Variants in SBF2 observed in about 807,000 individuals in gnomAD.
SBF2 encodes myotubularin-related protein 13.
In SBF2, 112 loss-of-function variants were observed where a neutral mutation model predicts 225.2. The ratio of observed to expected loss-of-function variants is 0.50; its 90% confidence interval spans 0.43 to 0.58. The LOEUF (loss-of-function observed/expected upper bound fraction) is 0.58, where lower values mean the gene tolerates loss of function less well. Among genes scored for constraint, SBF2 ranks in the 20% least tolerant of loss-of-function variants. The pLI, the probability that SBF2 is intolerant of heterozygous loss-of-function variation, is 0.00. For missense variants in SBF2, 1,996 were observed against 2,206.2 expected, an observed-to-expected ratio of 0.90 and a Z score of 1.91; for synonymous variants, 763 against 773.3, an observed-to-expected ratio of 0.99 and a Z score of 0.22.
At chr11:9,916,263 A>C (rs757272149) in intron 16 of SBF2, among the ~76,000 whole-genome samples, 2 of 152,198 alleles carry the variant, frequency 1.3e-5, no homozygotes, top group Admixed American at 6.5e-5. Flanking sequence ...AGAAAAGCTT[A>C]GCTAGCTCTC....
At chr11:10,144,692 C>A (rs769367928) in intron 2 of SBF2, among the ~76,000 whole-genome samples, 1 of 152,108 alleles carries the variant, frequency 6.6e-6, no homozygotes, top group Non-Finnish European at 1.5e-5. Context: ...TAAAAGAAAG[C>A]GAGAAAGTTC....
At position 10,193,351 on chromosome 11, in the gene SBF2, C is replaced by CTT. The variant is rs60903141; in HGVS notation, c.141+549_141+550dup. Among the ~76,000 whole-genome samples, 1,097 of 110,456 alleles carry CTT rather than the reference C, an allele frequency of 9.9e-3. 32 individuals are homozygous for CTT. Among genetic ancestry groups the CTT allele is most frequent in the Non-Finnish European group, 0.013 (716 of 55,678 alleles). The allele number at this position is 110,456 out of a possible 152,430, so 72.5% of individuals were successfully genotyped here. On this transcript the variant is annotated intron_variant, in intron 2 of 39. Coordinates refer to ENST00000256190, the MANE Select transcript of SBF2 (RefSeq NM_030962.4). ...AGTATATGAAAATCATCAATTTCAT[C>CTT]TTTTTTTTTTTTTTTTTTTTTGAGA...
chr11:9,792,921 T>TTGTG (rs767829391), intron 33 of SBF2, among the ~76,000 whole-genome samples: 11 of 140,192 alleles, frequency 7.8e-5, no homozygotes, highest in South Asian at 2.3e-4. Flanking sequence ...CCCAGCTAAT[T>TTGTG]TGTGTGTGTG....
chr11:10,173,379 T>G lies in SBF2; in HGVS notation c.141+20523A>C, dbSNP rs1591130108. ...CAAGGGGTCAGGGAGTTCCCTTTCC[T>G]AGTCAAAGAAAGGGGTGACAGATGG... On this transcript the variant is annotated intron_variant, in intron 2 of 39. Coordinates refer to ENST00000256190, the MANE Select transcript of SBF2 (RefSeq NM_030962.4). Among the ~76,000 whole-genome samples the G allele has an allele frequency of 2.0e-5, 3 of 152,304 alleles. No individual in the cohort carries two copies. The South Asian group carries it at 6.2e-4, about 32-fold the overall frequency.
At chr11:10,256,149 C>A (rs1284778186) in intron 1 of SBF2, among the ~76,000 whole-genome samples, 1 of 152,154 alleles carries the variant, frequency 6.6e-6, no homozygotes, top group Non-Finnish European at 1.5e-5. Flanking sequence ...CACAATCAGG[C>A]TTCACTGACA....
At chr11:9,930,725 T>C (rs893276592) in intron 16 of SBF2, among the ~76,000 whole-genome samples, 4 of 152,202 alleles carry the variant, frequency 2.6e-5, no homozygotes, top group Non-Finnish European at 4.4e-5. Flanking sequence ...GTGAGGTACC[T>C]GTTTCATCTC....
intron 16 of SBF2, among the ~76,000 whole-genome samples, chr11:9,953,906 G>T (rs1288083920): frequency 1.3e-5 from 2 of 151,838 alleles, no homozygotes; most frequent in East Asian, 3.9e-4. Context: ...GACTTCACTG[G>T]GTTTTAAAAT....
chr11:9,992,445 A>C lies in SBF2; in HGVS notation c.1266T>G (p.Pro422=), dbSNP rs752101104. ...AFAGFVSERG[P]PYRSCDLFDE... ...CAAAGAGATCACAAGATCTATAAGG[A>C]GGACCTCTTTCTGAAACAAAACCTG... Residue 422 remains proline, a synonymous_variant, in exon 12 of 40, where the codon CCT becomes CCG. Coordinates refer to ENST00000256190, the MANE Select transcript of SBF2 (RefSeq NM_030962.4). 1 of 1,613,068 alleles carries C rather than the reference A, an allele frequency of 6.2e-7. No homozygotes were observed. The highest frequency in any genetic ancestry group is 1.1e-5 in the South Asian group (1 of 91,012).
chr11:9,968,687 A>AG (rs1867127222), intron 13 of SBF2, 142 bp from the exon 14 acceptor site: 3 of 738,456 alleles, frequency 4.1e-6, no homozygotes, highest in Non-Finnish European at 7.3e-6. Flanking sequence ...TGAAGTACCA[A>AG]AATCTTACTT....
chr11:10,122,745 G>C (rs1953533336), intron 2 of SBF2, among the ~76,000 whole-genome samples: 1 of 152,190 alleles, frequency 6.6e-6, no homozygotes, highest in Admixed American at 6.5e-5. Context: ...CACTGGGGGT[G>C]AAGATGGAGA....
At chr11:10,284,472 T>A (rs1180203472) in intron 1 of SBF2, among the ~76,000 whole-genome samples, 1 of 152,216 alleles carries the variant, frequency 6.6e-6, no homozygotes, top group East Asian at 1.9e-4. Flanking sequence ...GTTCATTCCA[T>A]GTATCTTCCT....
At chr11:9,908,251 A>G (rs1862265037) in intron 16 of SBF2, among the ~76,000 whole-genome samples, 1 of 152,264 alleles carries the variant, frequency 6.6e-6, no homozygotes, top group Non-Finnish European at 1.5e-5. Context: ...TTAGGAATTT[A>G]AAAACATTAC....
rs370269975 is a variant in SBF2, at chr11:9,849,047, G to A, written c.2806+976C>T. Among the ~76,000 whole-genome samples, 15 of 152,284 alleles carry A rather than the reference G, an allele frequency of 9.9e-5. 1 individual carries two copies. Among genetic ancestry groups the A allele is most frequent in the African/African-American group, 3.6e-4 (15 of 41,560 alleles). On this transcript the variant is annotated intron_variant, in intron 22 of 39. Transcript: ENST00000256190. ...AATTTCAAAGGAGAAAGGCACTTTC[G>A]TGACCATTTAGCCCAGTGGTTCTCA...
intron 2 of SBF2, among the ~76,000 whole-genome samples, chr11:10,193,220 C>A (rs1235022862): frequency 1.3e-5 from 2 of 149,530 alleles, no homozygotes; most frequent in Non-Finnish European, 1.5e-5. Flanking sequence ...TTTACTAAGA[C>A]AATAACCTGG....
intron 9 of SBF2, among the ~76,000 whole-genome samples, chr11:9,996,013 G>A (rs147074074): frequency 6.6e-6 from 1 of 152,146 alleles, no homozygotes; most frequent in East Asian, 1.9e-4. Flanking sequence ...ATCCACCACT[G>A]TGCTTAGTAA....
At chr11:9,800,507 T>C (rs907392544) in intron 32 of SBF2, among the ~76,000 whole-genome samples, 1 of 151,758 alleles carries the variant, frequency 6.6e-6, no homozygotes, top group African/African-American at 2.4e-5. Flanking sequence ...CCCGGGTTCA[T>C]GCCATTCTCC....
intron 2 of SBF2, among the ~76,000 whole-genome samples, chr11:10,185,604 G>C (rs1284320701): frequency 6.7e-6 from 1 of 148,266 alleles, no homozygotes; most frequent in African/African-American, 2.5e-5. Context: ...GCAAATGTGA[G>C]CCACTGTGCT....
At chr11:10,002,242 C>G (rs1948001868) in intron 7 of SBF2, among the ~76,000 whole-genome samples, 2 of 152,114 alleles carry the variant, frequency 1.3e-5, no homozygotes, top group South Asian at 4.1e-4. Flanking sequence ...GAATCTCTAT[C>G]ATTATAACTT....
chr11:9,849,511 T>C (rs936275729), intron 22 of SBF2, among the ~76,000 whole-genome samples: 3 of 152,162 alleles, frequency 2.0e-5, no homozygotes, highest in East Asian at 1.9e-4. Flanking sequence ...ACAGAAGTTA[T>C]AGGAGTTTGG....
Sources: allele counts gnomAD v4.1 joint callset (sites outside exome capture counted in the v4.1 genomes callset), GRCh38; gene constraint gnomAD v4.1.1; transcripts MANE v1.5; gene names NCBI Gene and HGNC (gene_info 2026-07-23, HGNC 2026-07-21).